TENM2: variants seen among roughly 807,000 people sequenced by gnomAD.
TENM2 encodes teneurin-2.
Under a neutral mutation model 245.2 loss-of-function variants are expected in TENM2, and 52 were observed. The observed-to-expected ratio is 0.21, with a 90% CI of 0.17 to 0.27. TENM2 has a LOEUF of 0.27. TENM2 is among the 10% of genes least tolerant of loss of function. TENM2 has a pLI of 1.00. For missense variants in TENM2, 3,046 were observed against 3,666.8 expected (o/e 0.83, Z 4.37); for synonymous variants, 1,363 against 1,438.9 (o/e 0.95, Z 1.19).
At chr5:167,252,262 C>G in the TENM2 span, among the ~76,000 whole-genome samples, 1 of 152,106 alleles carries the variant, frequency 6.6e-6, no homozygotes, top group Non-Finnish European at 1.5e-5. Flanking sequence ...CGTTAATGGG[C>G]TACAGAGGCT....
the TENM2 span, among the ~76,000 whole-genome samples, chr5:167,198,965 G>A: frequency 6.6e-6 from 1 of 151,930 alleles, no homozygotes; most frequent in African/African-American, 2.4e-5. Context: ...ATAGATGCCT[G>A]ATTTAAAACA....
intron 2 of TENM2, among the ~76,000 whole-genome samples, chr5:167,421,115 C>T (rs761531622): frequency 3.3e-5 from 5 of 152,116 alleles, no homozygotes; most frequent in African/African-American, 4.8e-5. Flanking sequence ...AACAGTAATA[C>T]GTCTATGCTA....
intron 7 of TENM2, among the ~76,000 whole-genome samples, chr5:168,075,651 G>T (rs146184508): frequency 6.6e-6 from 1 of 152,134 alleles, no homozygotes; most frequent in East Asian, 1.9e-4. Context: ...TCTTTCACTC[G>T]CAGAATGTCA....
At chr5:167,943,255 C>T (rs1317626281) in intron 3 of TENM2, among the ~76,000 whole-genome samples, 1 of 152,134 alleles carries the variant, frequency 6.6e-6, no homozygotes, top group Non-Finnish European at 1.5e-5. Context: ...ATGCTTCGGC[C>T]ACTCTTGGTA....
At chr5:167,853,292 A>G (rs1169222571) in intron 2 of TENM2, among the ~76,000 whole-genome samples, 1 of 134,536 alleles carries the variant, frequency 7.4e-6, no homozygotes, top group Non-Finnish European at 1.6e-5. Context: ...TCCGTCTCAA[A>G]AAAAAAAAAA....
At chr5:168,111,510 C>T (rs1022187868) in intron 9 of TENM2, among the ~76,000 whole-genome samples, 4 of 152,136 alleles carry the variant, frequency 2.6e-5, no homozygotes, top group Admixed American at 6.5e-5. Flanking sequence ...ATTTGTATTT[C>T]ATAATCACTC....
At chr5:167,234,814 G>A in the TENM2 span, among the ~76,000 whole-genome samples, 1 of 152,134 alleles carries the variant, frequency 6.6e-6, no homozygotes, top group Non-Finnish European at 1.5e-5. Flanking sequence ...ATTTAAAAAT[G>A]TGGTGAAAAT....
At chr5:167,474,083 G>A (rs1017367744) in intron 2 of TENM2, among the ~76,000 whole-genome samples, 6 of 152,018 alleles carry the variant, frequency 3.9e-5, no homozygotes, top group Non-Finnish European at 8.8e-5. Context: ...TCAAGGAAAC[G>A]CCTACCCCAC....
intron 27 of TENM2, among the ~76,000 whole-genome samples, chr5:168,249,305 C>A (rs898721367): frequency 1.3e-5 from 2 of 152,044 alleles, no homozygotes; most frequent in African/African-American, 2.4e-5. Flanking sequence ...GAGACATATT[C>A]AAATAACCAA....
At chr5:167,313,463 C>G (rs911336450) in intron 1 of TENM2, among the ~76,000 whole-genome samples, 5 of 152,104 alleles carry the variant, frequency 3.3e-5, no homozygotes, top group African/African-American at 1.2e-4. Context: ...TTTGTGAAAC[C>G]CTGTTTCTAC....
Position 167,339,952 on chromosome 5 carries a change from C to A in TENM2, c.227-35246C>A, listed in dbSNP as rs77450861. Among the ~76,000 whole-genome samples the A allele has an allele frequency of 1.7e-4, 26 of 152,320 alleles. No individual in the cohort carries two copies. The East Asian group carries it at 3.9e-3, about 23-fold the overall frequency. ...ACAACATATAGAACTATGAGAAATA[C>A]ATTTCTGTGCTTTATAAATTACCCA... On this transcript the variant is annotated intron_variant, in intron 1 of 28. Transcript: ENST00000518659.
rs762481909 is a variant in TENM2 at position 168,218,335 on chromosome 5, A to T, written c.4444A>T (p.Ile1482Phe). Residue 1482 changes from isoleucine to phenylalanine, a missense_variant, in exon 23 of 29, where the codon ATT becomes TTT. This residue lies in a region of TENM2 where 2,704 missense variants were observed against 3,331.9 expected (regional missense o/e 0.81). Coordinates refer to ENST00000518659, the Ensembl canonical transcript of TENM2. This position sits in a 1 kb window ranked among gnomAD's most constrained non-coding sequence, Gnocchi z 5.2. ...CCTGGAGTCAGCCAGTGCCATTGCC[A>T]TTTCTCACACTGGGGTCCTCTACAT... 6.2e-7 allele frequency: 1 copy of T among 1,613,980 alleles called. No homozygotes were observed. The highest frequency in any genetic ancestry group is 1.1e-5 in the South Asian group (1 of 91,072).
chr5:167,473,941 C>A (rs990715623), intron 2 of TENM2, among the ~76,000 whole-genome samples: 6 of 152,042 alleles, frequency 3.9e-5, no homozygotes, highest in African/African-American at 1.2e-4. Context: ...GAGTTTTAAT[C>A]CCAATTAGCA....
chr5:168,078,941 A>C (rs1225438632), intron 7 of TENM2, among the ~76,000 whole-genome samples: 2 of 152,116 alleles, frequency 1.3e-5, no homozygotes, highest in African/African-American at 4.8e-5. Context: ...ATGAACTTTA[A>C]AGTAGTTTTT....
intron 2 of TENM2, among the ~76,000 whole-genome samples, chr5:167,486,833 C>G (rs554760442): frequency 6.6e-6 from 1 of 151,988 alleles, no homozygotes; most frequent in Non-Finnish European, 1.5e-5. Context: ...GAGCTTTAAT[C>G]GAAGGACCAA....
At chr5:167,766,346 T>C (rs1190060118) in intron 2 of TENM2, among the ~76,000 whole-genome samples, 1 of 152,182 alleles carries the variant, frequency 6.6e-6, no homozygotes, top group Non-Finnish European at 1.5e-5. Context: ...AGTGGGATGA[T>C]ACAGAATTAA....
the TENM2 span, among the ~76,000 whole-genome samples, chr5:167,233,360 A>C: frequency 6.6e-6 from 1 of 152,210 alleles, no homozygotes; most frequent in African/African-American, 2.4e-5. Flanking sequence ...CTTTTTAAAA[A>C]TTTTTCATGT....
At chr5:167,380,258 G>T (rs1046966679) in intron 2 of TENM2, among the ~76,000 whole-genome samples, 5 of 152,082 alleles carry the variant, frequency 3.3e-5, no homozygotes, top group African/African-American at 1.2e-4. Context: ...TGATTACTAT[G>T]ATGCTAAAAC....
chr5:168,204,590 T>C (rs1446711350), exon 19 of TENM2: 3 of 1,613,876 alleles, frequency 1.9e-6, no homozygotes, highest in Non-Finnish European at 2.5e-6. Flanking sequence ...CATCTTTCCC[T>C]CTCGAAATGT....
Sources: allele counts gnomAD v4.1 joint callset (sites outside exome capture counted in the v4.1 genomes callset), GRCh38; gene constraint gnomAD v4.1.1; regional missense constraint gnomAD v4.1.1; non-coding constraint Gnocchi (gnomAD v3.1); transcripts MANE v1.5; gene names NCBI Gene and HGNC (gene_info 2026-07-23, HGNC 2026-07-21).